TRMT11: variants seen among roughly 807,000 people sequenced by gnomAD.
TRMT11 encodes the protein tRNA methyltransferase 11.
Under a neutral mutation model 62.8 loss-of-function variants are expected in TRMT11, and 53 were observed. That is an observed-to-expected ratio of 0.84 (90% confidence interval 0.68 to 1.06). The LOEUF (loss-of-function observed/expected upper bound fraction) is 1.06. TRMT11 is among the 50% of genes least tolerant of loss of function. The pLI, the probability that TRMT11 is intolerant of heterozygous loss-of-function variation, is 0.00. For synonymous variants in TRMT11, 188 were observed against 190.3 expected, an observed-to-expected ratio of 0.99 and a Z score of 0.10; for missense variants, 556 against 553.4, an observed-to-expected ratio of 1.00 and a Z score of -0.05.
chr6:126,058,839 T>C (rs897379813), intron 17 of TRMT11, among the ~76,000 whole-genome samples: 1 of 152,068 alleles, frequency 6.6e-6, no homozygotes, highest in African/African-American at 2.4e-5. Context: ...ATGGATAAAT[T>C]CCTGGACATA....
At chr6:126,099,433 T>C (rs1293450169) in intron 17 of TRMT11, among the ~76,000 whole-genome samples, 3 of 152,224 alleles carry the variant, frequency 2.0e-5, no homozygotes, top group Non-Finnish European at 4.4e-5. Flanking sequence ...CTTTAGGTAA[T>C]TGACTTTCCG....
rs763271525 is a variant in TRMT11, at chr6:126,012,764, T to A, written c.926-7T>A. The A allele has an allele frequency of 2.5e-6, 4 of 1,610,108 alleles. No individual in the cohort carries two copies. The highest frequency in any genetic ancestry group is 3.4e-6 in the Non-Finnish European group (4 of 1,177,866). ...GACTATCTGTGTTACCTTTGTTTTC[T>A]GTCTAGCTCCATATGGTATCAGAGA... On this transcript the variant is annotated splice_region_variant and splice_polypyrimidine_tract_variant and intron_variant, in intron 9 of 12. Coordinates refer to ENST00000334379, the MANE Select transcript of TRMT11 (RefSeq NM_001031712.3).
downstream of TRMT11, among the ~76,000 whole-genome samples, chr6:126,202,915 T>C (rs186564445): frequency 0.014 from 2,113 of 152,300 alleles, 17 homozygotes; most frequent in Non-Finnish European, 0.021. Context: ...TGATTTTTTT[T>C]CCCTTTTATA....
At chr6:126,077,393 G>A (rs1051187705) in intron 17 of TRMT11, among the ~76,000 whole-genome samples, 2 of 152,190 alleles carry the variant, frequency 1.3e-5, no homozygotes, top group African/African-American at 4.8e-5. Flanking sequence ...TGTTCCAGAT[G>A]TGCAACAACT....
At chr6:126,086,649 A>T (rs1013541424) in intron 17 of TRMT11, among the ~76,000 whole-genome samples, 1 of 152,140 alleles carries the variant, frequency 6.6e-6, no homozygotes, top group African/African-American at 2.4e-5. Flanking sequence ...CAGCAATTCC[A>T]TGTTGTTACA....
In TRMT11 at chr6:126,018,083, A is replaced by C. The variant is rs138016253; in HGVS notation, c.1140-3077A>C. Among the ~76,000 whole-genome samples, 211 of 152,338 alleles carry C rather than the reference A, an allele frequency of 1.4e-3. 1 individual carries two copies. Among genetic ancestry groups the C allele is most frequent in the African/African-American group, 4.9e-3 (204 of 41,578 alleles). ...CTAGTGTTAGTGATAACATGATGACATACTTATATTAAAATAGCACATTGT... is the reference window on the plus strand; with the variant it reads ...CTAGTGTTAGTGATAACATGATGACCTACTTATATTAAAATAGCACATTGT... On this transcript the variant is annotated intron_variant, in intron 11 of 12. Coordinates refer to ENST00000334379, the MANE Select transcript of TRMT11 (RefSeq NM_001031712.3).
At chr6:126,138,209 A>G (rs1777875103) in intron 21 of TRMT11, among the ~76,000 whole-genome samples, 2 of 151,996 alleles carry the variant, frequency 1.3e-5, no homozygotes, top group Admixed American at 1.3e-4. Flanking sequence ...GTATATTAAA[A>G]TACCATGTTC....
At chr6:126,093,610 TATATATA>T (rs1334158322) in intron 17 of TRMT11, among the ~76,000 whole-genome samples, 13 of 95,320 alleles carry the variant, frequency 1.4e-4, no homozygotes, top group African/African-American at 6.9e-4. Flanking sequence ...TATATATATA[TATATATA>T]TATATATATA....
rs182396589 is a variant in TRMT11 at position 126,122,828 on chromosome 6, G to A, written c.*1823+6973G>A. 1.6e-3 allele frequency among the ~76,000 whole-genome samples: 238 copies of A among 152,182 alleles called. 1 individual carries two copies. The highest frequency in any genetic ancestry group is 5.6e-3 in the African/African-American group (231 of 41,540). On this transcript the variant is annotated intron_variant and NMD_transcript_variant, in intron 21 of 22. Coordinates refer to the TRMT11 transcript ENST00000648977. ...TGCCATTTCTTTTGTTAATCAGTCTGCTTCATATCAGTGATTTTCAGCAAA... is the reference window on the plus strand; with the variant it reads ...TGCCATTTCTTTTGTTAATCAGTCTACTTCATATCAGTGATTTTCAGCAAA...
chr6:126,091,222 T>G (rs1037949568), intron 17 of TRMT11, among the ~76,000 whole-genome samples: 4 of 151,496 alleles, frequency 2.6e-5, no homozygotes, highest in Middle Eastern at 3.4e-3. Context: ...AAAAAAAAAT[T>G]TAGCTTAGAG....
chr6:126,220,311 C>G, the TRMT11 span, among the ~76,000 whole-genome samples: 2 of 152,152 alleles, frequency 1.3e-5, no homozygotes, highest in Non-Finnish European at 2.9e-5. Context: ...CACTTTAAAA[C>G]TGAATAAATA....
chr6:126,100,858 T>C lies in TRMT11; in HGVS notation c.*1438-12008T>C, dbSNP rs542609956. 2.0e-5 allele frequency among the ~76,000 whole-genome samples: 3 copies of C among 152,086 alleles called. No homozygotes were observed. The South Asian group carries it at 6.2e-4, about 32-fold the overall frequency. ...AGAATCAGTGGGAGATCTCAGCTTG[T>C]TTTTCTGCAACTAGACAGGTCTCCT... On this transcript the variant is annotated intron_variant and NMD_transcript_variant, in intron 17 of 22. Transcript: ENST00000648977.
the TRMT11 span, among the ~76,000 whole-genome samples, chr6:126,230,638 T>C: frequency 1.3e-5 from 2 of 152,228 alleles, no homozygotes; most frequent in Non-Finnish European, 2.9e-5. Flanking sequence ...AGTTTGTCAG[T>C]ATATTAATTT....
intron 21 of TRMT11, among the ~76,000 whole-genome samples, chr6:126,163,864 T>C (rs1778227447): frequency 6.6e-6 from 1 of 152,188 alleles, no homozygotes; most frequent in Admixed American, 6.5e-5. Context: ...TCTTCTCTCT[T>C]TTCTGTTTTA....
rs1209969191 is a variant in TRMT11, at chr6:126,118,286, G to A, written c.*1823+2431G>A. 2.6e-5 allele frequency among the ~76,000 whole-genome samples: 4 copies of A among 152,076 alleles called. No homozygotes were observed. The East Asian group carries it at 7.7e-4, about 29-fold the overall frequency. On this transcript the variant is annotated intron_variant and NMD_transcript_variant, in intron 21 of 22. Transcript: ENST00000648977. ...CTCGGAAAATGATAACACTCTAAGT[G>A]GCTGTCAGTCCTTAGTCATTTCTAG...
At chr6:126,013,562 CCTT>C (rs1294614250) in intron 11 of TRMT11, among the ~76,000 whole-genome samples, 2 of 152,144 alleles carry the variant, frequency 1.3e-5, no homozygotes, top group African/African-American at 2.4e-5. Context: ...TACTCAGCCT[CCTT>C]CTTTTCATCA....
At position 125,998,037 on chromosome 6, in the gene TRMT11, A is replaced by G. The variant is rs1163030147; in HGVS notation, c.213-16A>G. On this transcript the variant is annotated splice_polypyrimidine_tract_variant and intron_variant, in intron 3 of 12. Coordinates refer to ENST00000334379, the MANE Select transcript of TRMT11 (RefSeq NM_001031712.3). ...AAGTTCTTTACTGAGGTTAGTACCAATCATTTATTTCCTAGGTCTATATTT... is the reference window on the plus strand; with the variant it reads ...AAGTTCTTTACTGAGGTTAGTACCAGTCATTTATTTCCTAGGTCTATATTT... The G allele has an allele frequency of 2.5e-6, 4 of 1,571,984 alleles. No homozygotes were observed. In the African/African-American group the frequency reaches 4.0e-5, roughly 16 times the overall value.
At chr6:126,137,997 G>T (rs1204691052) in intron 21 of TRMT11, among the ~76,000 whole-genome samples, 1 of 151,852 alleles carries the variant, frequency 6.6e-6, no homozygotes, top group Admixed American at 6.6e-5. Flanking sequence ...GTTGGTTAAT[G>T]AGTACAAAAA....
At chr6:126,152,433 A>G (rs1477658346) in intron 21 of TRMT11, among the ~76,000 whole-genome samples, 2 of 152,190 alleles carry the variant, frequency 1.3e-5, no homozygotes, top group Admixed American at 6.5e-5. Flanking sequence ...TGAAAAGAAG[A>G]TAAGACAGTG....
Sources: gnomAD v4.1 joint callset for allele counts (sites outside exome capture counted in the v4.1 genomes callset) on GRCh38, gnomAD v4.1.1 for gene constraint, MANE v1.5 for transcripts, NCBI Gene and HGNC (gene_info 2026-07-23, HGNC 2026-07-21) for gene names.